ATP13A4: variants seen among roughly 807,000 people sequenced by gnomAD.
ATP13A4 encodes probable cation-transporting ATPase 13A4.
ATP13A4 carries 114 observed loss-of-function variants against 142.5 expected under a neutral mutation model. The observed-to-expected ratio is 0.80, with a 90% CI of 0.69 to 0.93. ATP13A4 has a LOEUF of 0.93. Among genes scored for constraint, ATP13A4 ranks in the 40% least tolerant of loss-of-function variants. The pLI is 0.00. For synonymous variants in ATP13A4, 488 were observed against 514.8 expected (o/e 0.95, Z 0.70); for missense variants, 1,392 against 1,454.0 (o/e 0.96, Z 0.69).
At chr3:193,541,045 C>T (rs1202281326) in intron 1 of ATP13A4, among the ~76,000 whole-genome samples, 1 of 151,930 alleles carries the variant, frequency 6.6e-6, no homozygotes, top group African/African-American at 2.4e-5. Context: ...GTCAGGAGAT[C>T]GAGAGCATCC....
chr3:193,464,796 C>T (rs994095393), intron 12 of ATP13A4, 144 bp downstream of exon 12: 2 of 890,804 alleles, frequency 2.2e-6, no homozygotes, highest in Non-Finnish European at 3.6e-6. Context: ...ACATATCTTT[C>T]CCAGATCATG....
chr3:193,537,852 AG>A (rs1722669369), intron 1 of ATP13A4, among the ~76,000 whole-genome samples: 2 of 152,206 alleles, frequency 1.3e-5, no homozygotes, highest in Admixed American at 1.3e-4. Flanking sequence ...CCAGTGTTAA[AG>A]GTTACGTCCT....
intron 1 of ATP13A4, among the ~76,000 whole-genome samples, chr3:193,591,883 A>G (rs1724805835): frequency 6.6e-6 from 1 of 152,138 alleles, no homozygotes; most frequent in African/African-American, 2.4e-5. Flanking sequence ...CACTTTTTGT[A>G]CAACCCTACA....
At chr3:193,432,631 A>C (rs1382856896) in intron 25 of ATP13A4, among the ~76,000 whole-genome samples, 1 of 152,174 alleles carries the variant, frequency 6.6e-6, no homozygotes, top group Admixed American at 6.5e-5. Flanking sequence ...AAGTGAAGAA[A>C]AGCCCATCTG....
intron 1 of ATP13A4, among the ~76,000 whole-genome samples, chr3:193,590,894 G>A (rs746933708): frequency 9.9e-5 from 15 of 152,154 alleles, no homozygotes; most frequent in Admixed American, 1.3e-4. Flanking sequence ...GTGAACTACC[G>A]GAGAGGACAT....
rs148247478 is a variant in ATP13A4, at chr3:193,474,422, C to T, written c.809-3429G>A. Among the ~76,000 whole-genome samples, 19 of 150,420 alleles carry T rather than the reference C, an allele frequency of 1.3e-4. 1 individual carries two copies. The highest frequency in any genetic ancestry group is 2.4e-4 in the African/African-American group (10 of 41,004). ...TACAAAAATTAGCCAGGCATGGTGG[C>T]GCACACTGGAAGCTGAGGTAGGAGG... On this transcript the variant is annotated intron_variant, in intron 8 of 29. Transcript: ENST00000342695.
At chr3:193,547,024 T>A (rs903832915) in intron 1 of ATP13A4, among the ~76,000 whole-genome samples, 15 of 152,234 alleles carry the variant, frequency 9.9e-5, no homozygotes, top group Non-Finnish European at 2.2e-4. Flanking sequence ...GGCATTATCA[T>A]CTTTCCTCAC....
chr3:193,530,336 C>T (rs1722249382), intron 1 of ATP13A4, among the ~76,000 whole-genome samples: 1 of 152,044 alleles, frequency 6.6e-6, no homozygotes, highest in Non-Finnish European at 1.5e-5. Flanking sequence ...CTTTGTGAAA[C>T]CTCCTCAGTC....
upstream of ATP13A4, chr3:193,555,081 G>A (rs991902287): frequency 1.8e-5 from 11 of 599,314 alleles, no homozygotes; most frequent in South Asian, 5.8e-5. Context: ...CTCCCATGCC[G>A]ATCTTTTTGT....
At chr3:193,576,518 G>A (rs12489198) in intron 2 of ATP13A4, among the ~76,000 whole-genome samples, 1 of 150,754 alleles carries the variant, frequency 6.6e-6, no homozygotes, top group African/African-American at 2.4e-5. Flanking sequence ...TGATCCACCC[G>A]CCTCGGCCTC....
At position 193,502,504 on chromosome 3, in the gene ATP13A4, G is replaced by C; in HGVS notation, c.370C>G (p.Pro124Ala). ...ATAAGTTTACTTACCTTTAGGTCTGGCTTTCTTATGGCTCTATTTATGATA... is the reference window on the plus strand; with the variant it reads ...ATAAGTTTACTTACCTTTAGGTCTGCCTTTCTTATGGCTCTATTTATGATA... ...EYIINRAIRK[P>A]DLKVRCIKVQ... The change falls in exon 3 of 30, where the codon CCA becomes GCA. Residue 124 changes from proline to alanine, a missense_variant. By Grantham distance (27) the Pro-to-Ala change is conservative. Coordinates refer to ENST00000342695, the MANE Select transcript of ATP13A4 (RefSeq NM_032279.4). 2 of 1,613,980 alleles carry C rather than the reference G, an allele frequency of 1.2e-6. No individual in the cohort carries two copies. The highest frequency in any genetic ancestry group is 1.7e-6 in the Non-Finnish European group (2 of 1,179,936).
intron 28 of ATP13A4, among the ~76,000 whole-genome samples, chr3:193,407,796 C>T (rs990110473): frequency 6.6e-5 from 10 of 152,126 alleles, no homozygotes; most frequent in Non-Finnish European, 1.3e-4. Flanking sequence ...TGGCTTTATC[C>T]CCAGGAGGCC....
rs371961183 is a variant in ATP13A4 at position 193,450,498 on chromosome 3, C to T, written c.2028-2168G>A. 2.0e-4 allele frequency among the ~76,000 whole-genome samples: 30 copies of T among 152,218 alleles called. 1 individual carries two copies. In the South Asian group the frequency reaches 5.6e-3, roughly 28 times the overall value. On this transcript the variant is annotated intron_variant, in intron 17 of 29. Transcript: ENST00000342695. ...GCAGAGACTGGGAAAAGTATTAAAA[C>T]AGATGTCCAAATCCGAGTCCCATGG...
chr3:193,535,240 C>G lies in ATP13A4; in HGVS notation c.60+19500G>C, dbSNP rs1722531623. ...ACAATAACAGAACATACAGTCTTTT[C>G]AAGTTCTCATGGAACATACATTAAG... On this transcript the variant is annotated intron_variant, in intron 1 of 29. Coordinates refer to ENST00000342695, the MANE Select transcript of ATP13A4 (RefSeq NM_032279.4). 1.3e-5 allele frequency among the ~76,000 whole-genome samples: 2 copies of G among 152,296 alleles called. 1 individual carries two copies. The highest frequency in any genetic ancestry group is 2.9e-5 in the Non-Finnish European group (2 of 68,008).
intron 1 of ATP13A4, among the ~76,000 whole-genome samples, chr3:193,518,303 T>C (rs936908394): frequency 1.3e-5 from 2 of 152,196 alleles, no homozygotes; most frequent in East Asian, 3.9e-4. Flanking sequence ...GCAACACACA[T>C]CAATATGGAT....
intron 7 of ATP13A4, among the ~76,000 whole-genome samples, chr3:193,488,816 A>G (rs1358620626): frequency 6.6e-6 from 1 of 152,182 alleles, no homozygotes; most frequent in African/African-American, 2.4e-5. Context: ...AGTTGGGAGA[A>G]CTTGAGAATG....
chr3:193,429,788 TA>T (rs1346973905), intron 25 of ATP13A4, among the ~76,000 whole-genome samples: 2 of 151,992 alleles, frequency 1.3e-5, no homozygotes, highest in African/African-American at 4.8e-5. Context: ...TATATAATTT[TA>T]CCACAAGAAA....
At chr3:193,407,028 A>T (rs1200544668) in intron 29 of ATP13A4, among the ~76,000 whole-genome samples, 1 of 152,192 alleles carries the variant, frequency 6.6e-6, no homozygotes, top group Non-Finnish European at 1.5e-5. Context: ...TCTCAATTTT[A>T]AAAAGTAAAT....
chr3:193,440,742 A>G, intron 20 of ATP13A4, 105 bp from the exon 21 acceptor site: 1 of 1,255,382 alleles, frequency 8.0e-7, no homozygotes, highest in Non-Finnish European at 1.1e-6. Flanking sequence ...CTTACGATGA[A>G]GAAAAAAAAA....
Sources: gnomAD v4.1 joint callset for allele counts (sites outside exome capture counted in the v4.1 genomes callset) on GRCh38, gnomAD v4.1.1 for gene constraint, MANE v1.5 for transcripts, NCBI Gene and HGNC (gene_info 2026-07-23, HGNC 2026-07-21) for gene names.